Variants in PRCP observed in about 807,000 individuals in gnomAD.
PRCP encodes the protein lysosomal Pro-X carboxypeptidase.
Under a neutral mutation model 54.2 loss-of-function variants are expected in PRCP, and 46 were observed. That is an observed-to-expected ratio of 0.85 (90% CI 0.67 to 1.09). The LOEUF (loss-of-function observed/expected upper bound fraction) is 1.09, where lower values mean the gene tolerates loss of function less well. Among genes scored for constraint, PRCP ranks in the 50% least tolerant of loss-of-function variants. The pLI, the probability that PRCP is intolerant of heterozygous loss-of-function variation, is 0.00. For synonymous variants in PRCP, 240 were observed against 212.2 expected (o/e 1.13, Z -1.14); for missense variants, 613 against 596.8 (o/e 1.03, Z -0.28).
intron 8 of PRCP, among the ~76,000 whole-genome samples, chr11:82,832,980 G>C (rs780258191): frequency 6.6e-6 from 1 of 152,166 alleles, no homozygotes; most frequent in South Asian, 2.1e-4. Context: ...TATAGAAAAA[G>C]ATTTCTTTGT....
chr11:82,879,157 C>G (rs1477051940), intron 1 of PRCP, among the ~76,000 whole-genome samples: 1 of 152,246 alleles, frequency 6.6e-6, no homozygotes, highest in African/African-American at 2.4e-5. Flanking sequence ...CTCCCCGTCA[C>G]TTTCAGGTAC....
chr11:82,834,939 C>T (rs1258990070), intron 8 of PRCP, among the ~76,000 whole-genome samples: 3 of 152,142 alleles, frequency 2.0e-5, no homozygotes, highest in Non-Finnish European at 4.4e-5. Context: ...GCCAGGTGAG[C>T]TGTAGTCCCA....
rs1591040615 is a variant in PRCP at position 82,839,266 on chromosome 11, A to G, written c.1081T>C (p.Tyr361His). 1 of 1,611,386 alleles carries G rather than the reference A, an allele frequency of 6.2e-7. No individual in the cohort carries two copies. Among genetic ancestry groups the G allele is most frequent in the African/African-American group, 1.3e-5 (1 of 74,720 alleles). ...GGGAAATTATACATATTTACCTGAT[A>G]GCTCCAACCCAGTGTTCCCAGACTG... ...TSSLGTLGWS[Y>H]QACTEVVMPF... The change falls in exon 7 of 9, where the codon TAT (tyrosine) becomes CAT (histidine). Residue 361 changes from tyrosine to histidine, a missense_variant. Coordinates refer to ENST00000313010, the MANE Select transcript of PRCP (RefSeq NM_005040.4).
chr11:82,853,679 T>C (rs1169684031), intron 2 of PRCP, among the ~76,000 whole-genome samples: 1 of 152,148 alleles, frequency 6.6e-6, no homozygotes, highest in African/African-American at 2.4e-5. Flanking sequence ...ATCATTATGA[T>C]ACAACACCTG....
intron 1 of PRCP, among the ~76,000 whole-genome samples, chr11:82,886,711 T>C (rs1044707906): frequency 6.6e-6 from 1 of 152,216 alleles, no homozygotes; most frequent in Non-Finnish European, 1.5e-5. Context: ...CTATCACTTA[T>C]CAGCTGTGCA....
At chr11:82,865,978 T>G (rs771326900) in intron 1 of PRCP, among the ~76,000 whole-genome samples, 2 of 152,198 alleles carry the variant, frequency 1.3e-5, no homozygotes, top group African/African-American at 4.8e-5. Flanking sequence ...AGTGGATTCC[T>G]ACTAAGTTGT....
chr11:82,879,385 A>T (rs1859690884), intron 1 of PRCP, among the ~76,000 whole-genome samples: 1 of 152,174 alleles, frequency 6.6e-6, no homozygotes, highest in African/African-American at 2.4e-5. Context: ...CCATCACGTC[A>T]TTTAAGGTCT....
intron 6 of PRCP, among the ~76,000 whole-genome samples, chr11:82,848,660 A>C (rs1192093530): frequency 2.0e-5 from 3 of 152,264 alleles, no homozygotes; most frequent in Non-Finnish European, 4.4e-5. Context: ...CCATTTATTA[A>C]GCATCAACCA....
At chr11:82,830,224 A>AT (rs1858343991) in intron 8 of PRCP, 1 of 152,210 alleles carries the variant, frequency 6.6e-6, no homozygotes, top group South Asian at 2.1e-4. Context: ...CATAATAAGT[A>AT]TTACCACCAC....
intron 8 of PRCP, among the ~76,000 whole-genome samples, chr11:82,837,468 T>C (rs1378454497): frequency 2.0e-5 from 3 of 152,222 alleles, no homozygotes; most frequent in African/African-American, 7.2e-5. Context: ...CTTTTAAAAA[T>C]CATTCATAGA....
intron 2 of PRCP, among the ~76,000 whole-genome samples, chr11:82,855,005 A>G (rs1267516206): frequency 6.6e-6 from 1 of 152,316 alleles, no homozygotes; most frequent in East Asian, 1.9e-4. Context: ...TCCTTTCACC[A>G]TATACAAAAA....
At chr11:82,881,690 G>A (rs2121242682) in intron 1 of PRCP, among the ~76,000 whole-genome samples, 1 of 152,334 alleles carries the variant, frequency 6.6e-6, no homozygotes, top group East Asian at 1.9e-4. Context: ...GGGCAGAAAC[G>A]AGGATGGAAT....
At chr11:82,841,206 A>C (rs1289760276) in intron 6 of PRCP, among the ~76,000 whole-genome samples, 1 of 151,182 alleles carries the variant, frequency 6.6e-6, no homozygotes, top group Non-Finnish European at 1.5e-5. Flanking sequence ...GGGTACTGAG[A>C]AAGGATGCAA....
chr11:82,850,114 A>AATATATATATATATT, intron 4 of PRCP, 43 bp from the exon 5 acceptor site: 1 of 816,314 alleles, frequency 1.2e-6, no homozygotes, highest in Non-Finnish European at 1.7e-6. Context: ...GAAAAGAAAA[A>AATATATATATATATT]ATATATATAT....
chr11:82,853,885 C>T (rs890633967), intron 2 of PRCP, among the ~76,000 whole-genome samples: 2 of 152,202 alleles, frequency 1.3e-5, no homozygotes, highest in Middle Eastern at 6.8e-3. Context: ...ACCACATAAA[C>T]AGAACTAAAA....
chr11:82,845,699 T>G (rs1858791908), intron 6 of PRCP: 1 of 152,248 alleles, frequency 6.6e-6, no homozygotes, highest in Non-Finnish European at 1.5e-5. Context: ...CAGCCTATGC[T>G]GAAATATTTG....
intron 2 of PRCP, 93 bp from the exon 3 acceptor site, chr11:82,853,371 C>A: frequency 3.1e-6 from 3 of 974,020 alleles, no homozygotes; most frequent in South Asian, 1.9e-5. Context: ...GATGTTAAGC[C>A]AGAACAAAAA....
chr11:82,878,778 T>C (rs1859668285), intron 1 of PRCP, among the ~76,000 whole-genome samples: 1 of 152,182 alleles, frequency 6.6e-6, no homozygotes, highest in African/African-American at 2.4e-5. Context: ...CTATAAAGGA[T>C]TTTATTTCTC....
At chr11:82,845,667 C>T (rs1858790880) in intron 6 of PRCP, 1 of 152,180 alleles carries the variant, frequency 6.6e-6, no homozygotes. Flanking sequence ...CATTATTTCA[C>T]TATATCTATC....
Sources: allele counts gnomAD v4.1 joint callset (sites outside exome capture counted in the v4.1 genomes callset), GRCh38; gene constraint gnomAD v4.1.1; transcripts MANE v1.5; gene names NCBI Gene and HGNC (gene_info 2026-07-23, HGNC 2026-07-21).